ITPK1: variants seen among roughly 807,000 people sequenced by gnomAD.
ITPK1 encodes inositol-tetrakisphosphate 1-kinase.
ITPK1 carries 21 observed loss-of-function variants against 45.3 expected under a neutral mutation model. That is an observed-to-expected ratio of 0.46 (90% CI 0.33 to 0.67). ITPK1 has a LOEUF of 0.67. Among genes scored for constraint, ITPK1 ranks in the 30% least tolerant of loss-of-function variants. The pLI is 0.02. For synonymous variants in ITPK1, 258 were observed against 253.6 expected (o/e 1.02, Z -0.16); for missense variants, 474 against 573.5 (o/e 0.83, Z 1.77).
intron 3 of ITPK1, among the ~76,000 whole-genome samples, chr14:93,056,611 C>T (rs771511127): frequency 5.9e-5 from 9 of 152,186 alleles, no homozygotes; most frequent in Admixed American, 1.3e-4. Context: ...AGTCCACCCA[C>T]GGCTGGGTCT....
intron 4 of ITPK1, among the ~76,000 whole-genome samples, chr14:93,015,531 G>A (rs1438442931): frequency 2.0e-5 from 3 of 152,214 alleles, no homozygotes; most frequent in Admixed American, 6.5e-5. Flanking sequence ...AGAGGAGCCC[G>A]ACCATGTTTT....
rs1216264763 is a variant in ITPK1, at chr14:92,941,139, A to G, written c.*422T>C. ...CAGAAGGGAAGCCACTCTCACATGCACCGATCAGCCTCCCACAGCCCGACA... is the reference window on the plus strand; with the variant it reads ...CAGAAGGGAAGCCACTCTCACATGCGCCGATCAGCCTCCCACAGCCCGACA... On this transcript the variant is annotated 3_prime_UTR_variant, in exon 11 of 11. Coordinates refer to ENST00000267615, the MANE Select transcript of ITPK1 (RefSeq NM_014216.6). 2 of 1,209,480 alleles carry G rather than the reference A, an allele frequency of 1.7e-6. No homozygotes were observed. The highest frequency in any genetic ancestry group is 3.2e-5 in the African/African-American group (2 of 63,342). 74.9% of individuals were successfully genotyped at this position (1,209,480 alleles called of 1,614,324 possible).
chr14:93,105,951 C>T (rs1277090693), intron 2 of ITPK1, among the ~76,000 whole-genome samples: 4 of 152,290 alleles, frequency 2.6e-5, no homozygotes, highest in Non-Finnish European at 2.9e-5. Context: ...GTGATCCGCC[C>T]GCCTCAGCCT....
chr14:93,077,320 C>T (rs1424294466), intron 2 of ITPK1, among the ~76,000 whole-genome samples: 2 of 152,016 alleles, frequency 1.3e-5, no homozygotes, highest in Non-Finnish European at 2.9e-5. Flanking sequence ...TCTTCCTGAC[C>T]CATTTCTTTT....
At chr14:92,966,311 C>T (rs1271136041) in intron 5 of ITPK1, among the ~76,000 whole-genome samples, 1 of 152,020 alleles carries the variant, frequency 6.6e-6, no homozygotes, top group Admixed American at 6.6e-5. Flanking sequence ...TTTCTATACC[C>T]CAGCAATGAA....
At chr14:93,040,115 C>A (rs1052749676) in intron 3 of ITPK1, among the ~76,000 whole-genome samples, 2 of 152,244 alleles carry the variant, frequency 1.3e-5, no homozygotes, top group South Asian at 2.1e-4. Context: ...GGTTAAACTG[C>A]CTTAATCTTT....
At chr14:93,019,106 T>C (rs1343434494) in intron 3 of ITPK1, among the ~76,000 whole-genome samples, 1 of 152,100 alleles carries the variant, frequency 6.6e-6, no homozygotes, top group Non-Finnish European at 1.5e-5. Context: ...CACCAACCCA[T>C]TTCCACTACA....
Position 92,941,009 on chromosome 14 carries a change from G to T in ITPK1, c.*552C>A. Reference sequence around the variant, plus strand: ...GTGGCCTCCTCTGGCTGTGGGGAGGGAGGGGTTAGCTGCACACCAGGCAGG... The same window carrying T: ...GTGGCCTCCTCTGGCTGTGGGGAGGTAGGGGTTAGCTGCACACCAGGCAGG... On this transcript the variant is annotated 3_prime_UTR_variant, in exon 11 of 11. Coordinates refer to ENST00000267615, the MANE Select transcript of ITPK1 (RefSeq NM_014216.6). 2 of 1,264,586 alleles carry T rather than the reference G, an allele frequency of 1.6e-6. No individual in the cohort carries two copies. Among genetic ancestry groups the T allele is most frequent in the Non-Finnish European group, 2.0e-6 (2 of 975,890 alleles). The allele number at this position is 1,264,586 out of a possible 1,614,324, so 78.3% of individuals were successfully genotyped here.
intron 3 of ITPK1, among the ~76,000 whole-genome samples, chr14:93,051,113 C>A (rs1376389567): frequency 6.6e-6 from 1 of 152,152 alleles, no homozygotes; most frequent in Non-Finnish European, 1.5e-5. Flanking sequence ...GATGGCCACA[C>A]TCCACCCCCA....
chr14:92,994,811 T>C (rs1886967562), intron 4 of ITPK1, among the ~76,000 whole-genome samples: 1 of 152,196 alleles, frequency 6.6e-6, no homozygotes, highest in African/African-American at 2.4e-5. Flanking sequence ...GCGGGTTGAA[T>C]TGTGTCCTCT....
intron 3 of ITPK1, among the ~76,000 whole-genome samples, chr14:93,038,944 A>C (rs973672430): frequency 6.6e-6 from 1 of 152,252 alleles, no homozygotes; most frequent in Admixed American, 6.5e-5. Flanking sequence ...CCAGAAAATA[A>C]GATACTCTAA....
At chr14:93,088,862 G>A (rs1891758510) in intron 2 of ITPK1, among the ~76,000 whole-genome samples, 1 of 152,138 alleles carries the variant, frequency 6.6e-6, no homozygotes, top group Non-Finnish European at 1.5e-5. Flanking sequence ...CTCACAGCAG[G>A]TAAGAAGCAG....
chr14:93,021,181 A>T (rs762787201), intron 3 of ITPK1, among the ~76,000 whole-genome samples: 1 of 152,074 alleles, frequency 6.6e-6, no homozygotes, highest in African/African-American at 2.4e-5. Flanking sequence ...TGCCCTCTCC[A>T]TGGATCTGAG....
chr14:93,115,417 C>G (rs888086555), intron 1 of ITPK1, 112 bp from the exon 2 acceptor site: 1 of 150,036 alleles, frequency 6.7e-6, no homozygotes, highest in African/African-American at 2.4e-5. Flanking sequence ...CACGCCCCCG[C>G]CGCCTGCGGG....
intron 5 of ITPK1, among the ~76,000 whole-genome samples, chr14:92,977,629 C>T (rs1282082932): frequency 6.7e-6 from 1 of 149,710 alleles, no homozygotes; most frequent in South Asian, 2.1e-4. Flanking sequence ...TGAGTTCTCT[C>T]GAGATCTGGT....
chr14:93,106,496 C>A (rs913341092), intron 2 of ITPK1, among the ~76,000 whole-genome samples: 1 of 152,198 alleles, frequency 6.6e-6, no homozygotes, highest in African/African-American at 2.4e-5. Flanking sequence ...GTGGCCTCTA[C>A]AAAGTGGACA....
chr14:92,971,553 G>A (rs1279203687), intron 5 of ITPK1, among the ~76,000 whole-genome samples: 1 of 152,224 alleles, frequency 6.6e-6, no homozygotes, highest in Non-Finnish European at 1.5e-5. Context: ...AGGTCTGCTG[G>A]GGAGGGTCCA....
intron 4 of ITPK1, among the ~76,000 whole-genome samples, chr14:93,006,553 G>A (rs1393585583): frequency 6.6e-6 from 1 of 152,186 alleles, no homozygotes; most frequent in Non-Finnish European, 1.5e-5. Flanking sequence ...CCATCCTGAA[G>A]GTGGGTGCTA....
At chr14:93,067,982 C>A (rs1890829289) in intron 3 of ITPK1, 1 of 144,292 alleles carries the variant, frequency 6.9e-6, no homozygotes, top group Non-Finnish European at 1.5e-5. Context: ...GTTAGAAACC[C>A]AAAAGTGATA....
Sources: allele counts gnomAD v4.1 joint callset (sites outside exome capture counted in the v4.1 genomes callset), GRCh38; gene constraint gnomAD v4.1.1; transcripts MANE v1.5; gene names NCBI Gene and HGNC (gene_info 2026-07-23, HGNC 2026-07-21).